Variants in MRPL10 observed in about 807,000 individuals in gnomAD.
MRPL10 encodes large ribosomal subunit protein uL10m.
Under a neutral mutation model 19.8 loss-of-function variants are expected in MRPL10, and 14 were observed. That is an observed-to-expected ratio of 0.71 (90% confidence interval 0.47 to 1.11). The LOEUF (loss-of-function observed/expected upper bound fraction) is 1.11, where lower values mean the gene tolerates loss of function less well. Ranked by LOEUF, MRPL10 falls within the 50% of genes least tolerant of loss-of-function variation. The pLI is 0.00. For synonymous variants in MRPL10, 129 were observed against 139.2 expected, an observed-to-expected ratio of 0.93 and a Z score of 0.52; for missense variants, 318 against 339.6, an observed-to-expected ratio of 0.94 and a Z score of 0.50.
chr17:47,828,165 T>C (rs1181160189), intron 2 of MRPL10: 1 of 167,932 alleles, frequency 6.0e-6, no homozygotes, highest in Non-Finnish European at 1.3e-5. Context: ...ATCGCGCCAT[T>C]GTACTCCAGC....
At chr17:47,824,485 T>C (rs762462683) in intron 4 of MRPL10, 27 bp from the exon 5 acceptor site, 25 of 1,509,770 alleles carry the variant, frequency 1.7e-5, no homozygotes, top group Non-Finnish European at 2.2e-5. Context: ...TCAGTTAGGC[T>C]CCTTGCAGAT....
Position 47,824,325 on chromosome 17 carries a change from G to C in MRPL10, c.666C>G (p.Leu222=). The C allele has an allele frequency of 6.2e-7, 1 of 1,614,112 alleles. No individual in the cohort carries two copies. Among genetic ancestry groups the C allele is most frequent in the South Asian group, 1.1e-5 (1 of 91,074 alleles). Residue 222 remains leucine, a synonymous_variant, in exon 5 of 5, where the codon CTC becomes CTG. Transcript: ENST00000351111. ...TGGTCAGCTGGAGGGGCTGGTGCTG[G>C]AGCAGGGAGTGGGTCTGGGCTGTGA... ...TCLTAQTHSL[L]QHQPLQLTTL...
In MRPL10 at chr17:47,828,610, C is replaced by T. The variant is rs202047245; in HGVS notation, c.113G>A (p.Arg38His). 3.9e-5 allele frequency: 60 copies of T among 1,524,294 alleles called. No homozygotes were observed. Among genetic ancestry groups the T allele is most frequent in the Middle Eastern group, 3.4e-4 (2 of 5,862 alleles). The allele number at this position is 1,524,294 out of a possible 1,614,324, so 94.4% of individuals were successfully genotyped here. A position where few individuals can be genotyped will look rare whatever the true frequency, so the allele number is the denominator to read the frequency against. Residue 38 changes from arginine (R) to histidine (H), a missense_variant, in exon 2 of 5, where the codon CGT becomes CAT. Coordinates refer to ENST00000351111, the MANE Select transcript of MRPL10 (RefSeq NM_145255.4). ...YGSKAVTRHR[R>H]VMHFQRQKLM... ...CTTCTGCCGCTGAAAGTGCATCACA[C>T]GACGGTGGCGGGTAACAGCCTTGGA...
intron 1 of MRPL10, 23 bp from the exon 2 acceptor site, chr17:47,828,693 G>A (rs2033577089): frequency 6.7e-7 from 1 of 1,497,282 alleles, no homozygotes; most frequent in East Asian, 2.7e-5. Flanking sequence ...ATAGCAACAT[G>A]GTTAGAGGCA....
At chr17:47,828,931 A>G (rs1001292335) in intron 1 of MRPL10, among the ~76,000 whole-genome samples, 5 of 152,218 alleles carry the variant, frequency 3.3e-5, no homozygotes, top group African/African-American at 1.2e-4. Flanking sequence ...AATGTGAGAA[A>G]AAAATGAGAA....
At chr17:47,828,456 C>A in intron 2 of MRPL10, 45 bp downstream of exon 2, 1 of 1,334,388 alleles carries the variant, frequency 7.5e-7, no homozygotes, top group Non-Finnish European at 9.9e-7. Context: ...TTACTTTAAT[C>A]CACCATCCCA....
In MRPL10 at chr17:47,824,252, T is replaced by C. The variant is rs2033491626; in HGVS notation, c.739A>G (p.Met247Val). The C allele has an allele frequency of 1.9e-6, 3 of 1,614,054 alleles. No individual in the cohort carries two copies. Among genetic ancestry groups the C allele is most frequent in the African/African-American group, 2.7e-5 (2 of 74,918 alleles). The change falls in exon 5 of 5, where the codon ATG (methionine) becomes GTG (valine). Residue 247 changes from methionine (M) to valine (V), a missense_variant. Coordinates refer to ENST00000351111, the MANE Select transcript of MRPL10 (RefSeq NM_145255.4). ...GGATCTGGCTTCCCATTGGCCGACA[T>C]GACAGAATCCTTCTCGCGTTGCTCT... Reference protein sequence around the residue: ...IREQREKDSVMSANGKPDPDT... With the variant: ...IREQREKDSVVSANGKPDPDT...
rs752523731 is a variant in MRPL10, at chr17:47,827,212, T to A, written c.223-8A>T. ...CCTGATGAGGCCTATCTCCTGAAGT[T>A]GGAAAGCAATGACCAAGGGTACATC... On this transcript the variant is annotated splice_region_variant and splice_polypyrimidine_tract_variant and intron_variant, in intron 2 of 4. Transcript: ENST00000351111. 1 of 1,599,848 alleles carries A rather than the reference T, an allele frequency of 6.3e-7. No homozygotes were observed. The highest frequency in any genetic ancestry group is 1.7e-5 in the Admixed American group (1 of 57,936).
intron 1 of MRPL10, among the ~76,000 whole-genome samples, chr17:47,830,025 C>T (rs1281350468): frequency 6.6e-6 from 1 of 152,174 alleles, no homozygotes; most frequent in Non-Finnish European, 1.5e-5. Flanking sequence ...TTTGTAGAGA[C>T]CAGGTTTCAC....
chr17:47,827,209 A>G lies in MRPL10; in HGVS notation c.223-5T>C, dbSNP rs765190237. On this transcript the variant is annotated splice_region_variant and splice_polypyrimidine_tract_variant and intron_variant, in intron 2 of 4. Coordinates refer to ENST00000351111, the MANE Select transcript of MRPL10 (RefSeq NM_145255.4). ...AAGCCTGATGAGGCCTATCTCCTGA[A>G]GTTGGAAAGCAATGACCAAGGGTAC... The G allele has an allele frequency of 6.2e-7, 1 of 1,600,462 alleles. No individual in the cohort carries two copies. Among genetic ancestry groups the G allele is most frequent in the South Asian group, 1.1e-5 (1 of 88,866 alleles).
chr17:47,831,335 G>A lies in MRPL10; in HGVS notation c.52+125C>T, dbSNP rs9904966. Reference sequence around the variant, plus strand: ...CCAGTCGAGTCACAAGGAACTGGACGGGGTAAGGAGGCCAGCGATCTAGCT... The same window carrying A: ...CCAGTCGAGTCACAAGGAACTGGACAGGGTAAGGAGGCCAGCGATCTAGCT... On this transcript the variant is annotated intron_variant, in intron 1 of 4. Transcript: ENST00000351111. 5.3e-3 allele frequency: 8,078 copies of A among 1,536,630 alleles called. 334 individuals carry two copies. The African/African-American group carries it at 0.089, about 17-fold the overall frequency.
In MRPL10 at chr17:47,831,479, C is replaced by T; in HGVS notation, c.33G>A (p.Gly11=). The change falls in exon 1 of 5, where the codon GGG becomes GGA. Residue 11 remains glycine, a synonymous_variant. Coordinates refer to ENST00000351111, the MANE Select transcript of MRPL10 (RefSeq NM_145255.4). Reference sequence around the variant, plus strand: ...CCTTACCCGCCTGGGGCAGGAGACCCCCTCGCAGCATCCCCGCCACGGCCG... The same window carrying T: ...CCTTACCCGCCTGGGGCAGGAGACCTCCTCGCAGCATCCCCGCCACGGCCG... MAAAVAGMLR[G]GLLPQAGRLP... is the part of the protein sequence containing the mutation. 1 of 1,549,164 alleles carries T rather than the reference C, an allele frequency of 6.5e-7. No individual in the cohort carries two copies. Among genetic ancestry groups the T allele is most frequent in the Non-Finnish European group, 8.7e-7 (1 of 1,146,716 alleles).
At position 47,831,488 on chromosome 17, in the gene MRPL10, C is replaced by T. The variant is rs761082174; in HGVS notation, c.24G>A (p.Met8Ile). ...CCTGGGGCAGGAGACCCCCTCGCAG[C>T]ATCCCCGCCACGGCCGCAGCCATCT... The part of the protein sequence containing the change: MAAAVAG[M>I]LRGGLLPQAG... The change falls in exon 1 of 5, where the codon ATG becomes ATA. Residue 8 changes from methionine (M) to isoleucine (I), a missense_variant. Transcript: ENST00000351111. The T allele has an allele frequency of 3.9e-6, 6 of 1,548,906 alleles. No homozygotes were observed. The African/African-American group carries it at 8.2e-5, about 21-fold the overall frequency.
In MRPL10 at chr17:47,823,880, AG is replaced by A. The variant is rs1297154009; in HGVS notation, c.*324del. On this transcript the variant is annotated 3_prime_UTR_variant, in exon 5 of 5. Transcript: ENST00000351111. ...TGTGCCCCAAGGGGGTGGGCTCAGGAGCCCGTGCAGCAAGAGGCAGTGACCA... is the reference window on the plus strand; with the variant it reads ...TGTGCCCCAAGGGGGTGGGCTCAGGACCCGTGCAGCAAGAGGCAGTGACCA... 7 of 368,026 alleles carry A rather than the reference AG, an allele frequency of 1.9e-5. No individual in the cohort carries two copies. Among genetic ancestry groups the A allele is most frequent in the Non-Finnish European group, 3.6e-5 (7 of 196,622 alleles). 22.8% of individuals were successfully genotyped at this position (368,026 alleles called of 1,614,324 possible).
In MRPL10 at chr17:47,829,302, G is replaced by A. The variant is rs1381606493; in HGVS notation, c.53-632C>T. ...GGAAGGAAGGAAGGAAGGAAAGAGA[G>A]AGAGAGAGAGAGAAAGAAAAAGGGG... is the stretch of plus-strand genomic sequence containing the variant. On this transcript the variant is annotated intron_variant, in intron 1 of 4. Transcript: ENST00000351111. 6.6e-5 allele frequency: 10 copies of A among 151,834 alleles called. No individual in the cohort carries two copies. The South Asian group carries it at 7.8e-4, about 12-fold the overall frequency. The allele number at this position is 151,834 out of a possible 1,614,324, so 9.4% of individuals were successfully genotyped here.
intron 1 of MRPL10, among the ~76,000 whole-genome samples, chr17:47,830,684 T>G (rs1180052220): frequency 6.6e-6 from 1 of 152,126 alleles, no homozygotes; most frequent in Non-Finnish European, 1.5e-5. Context: ...TTTTGTATTT[T>G]TAGTAGAGTT....
intron 3 of MRPL10, 43 bp downstream of exon 3, chr17:47,826,997 G>C (rs373559054): frequency 5.1e-6 from 8 of 1,569,436 alleles, no homozygotes; most frequent in African/African-American, 1.4e-5. Context: ...TGGTGGGGGT[G>C]GGGGGAAGAT....
At chr17:47,825,825 T>C (rs755699146) in intron 4 of MRPL10, among the ~76,000 whole-genome samples, 4 of 152,102 alleles carry the variant, frequency 2.6e-5, no homozygotes, top group Admixed American at 6.5e-5. Context: ...ATAAATATCA[T>C]GGAGTGTTGA....
At chr17:47,829,297 A>G (rs144777084) in intron 1 of MRPL10, 95 of 72,152 alleles carry the variant, frequency 1.3e-3, no homozygotes, top group South Asian at 6.4e-3. Context: ...AAGGAAGGAA[A>G]GAGAGAGAGA....
Sources: allele counts gnomAD v4.1 joint callset (sites outside exome capture counted in the v4.1 genomes callset), GRCh38; gene constraint gnomAD v4.1.1; transcripts MANE v1.5; gene names NCBI Gene and HGNC (gene_info 2026-07-23, HGNC 2026-07-21).